The following BTD variants were observed in gnomAD, a reference collection of about 807,000 sequenced individuals.
BTD encodes biotinidase, also known as biocytinase.
Under a neutral mutation model 17.7 loss-of-function variants are expected in BTD, and 13 were observed. That is an observed-to-expected ratio of 0.74 (90% CI 0.48 to 1.17). BTD has a LOEUF of 1.17. Among genes scored for constraint, BTD ranks in the 50% most tolerant of loss-of-function variants. The pLI is 0.00. For missense variants in BTD, 674 were observed against 650.4 expected (o/e 1.04, Z -0.39); for synonymous variants, 240 against 245.2 (o/e 0.98, Z 0.20).
At chr3:15,686,207 T>C in intron 3 of BTD, 1 of 1,589,682 alleles carries the variant, frequency 6.3e-7, no homozygotes. Flanking sequence ...GCAACAATTA[T>C]TTATCGAAAC....
rs2065706289 is a variant in BTD, at chr3:15,646,866, C to G, written c.*1378C>G. On this transcript the variant is annotated 3_prime_UTR_variant, in exon 4 of 4. Coordinates refer to ENST00000643237, the MANE Select transcript of BTD (RefSeq NM_001370658.1). ...ATCCTTTTCTGGCTTTTAGGCAGGA[C>G]AATTAACAATGTGGATTCTGCAGTC... The G allele has an allele frequency of 6.6e-6, 1 of 152,206 alleles. No individual in the cohort carries two copies. Among genetic ancestry groups the G allele is most frequent in the Admixed American group, 6.5e-5 (1 of 15,278 alleles). The allele number at this position is 152,206 out of a possible 1,614,324, so 9.4% of individuals were successfully genotyped here.
chr3:15,638,454 A>T (rs1051562483), intron 2 of BTD, among the ~76,000 whole-genome samples: 24 of 152,180 alleles, frequency 1.6e-4, no homozygotes, highest in African/African-American at 2.4e-5. Context: ...TGTCTTCCAC[A>T]AGCACTTTCT....
chr3:15,689,281 C>A (rs564284045), intron 3 of BTD, among the ~76,000 whole-genome samples: 1 of 152,146 alleles, frequency 6.6e-6, no homozygotes, highest in African/African-American at 2.4e-5. Flanking sequence ...ACAACACAGG[C>A]GCCTCTCTGA....
chr3:15,712,527 A>G (rs1051651218), exon 4 of BTD, among the ~76,000 whole-genome samples: 3 of 152,208 alleles, frequency 2.0e-5, no homozygotes, highest in Non-Finnish European at 4.4e-5. Context: ...GCTCTACCCA[A>G]TGGATGTCAT....
intron 2 of BTD, among the ~76,000 whole-genome samples, chr3:15,636,561 G>T (rs966422525): frequency 2.0e-5 from 3 of 152,214 alleles, no homozygotes; most frequent in Non-Finnish European, 4.4e-5. Context: ...GCAGCTGCTT[G>T]AGGAAGCCCT....
At position 15,662,603 on chromosome 3, in the gene BTD, A is replaced by T. The variant is rs571131841; in HGVS notation, c.399+20546A>T. Among the ~76,000 whole-genome samples, 11 of 152,176 alleles carry T rather than the reference A, an allele frequency of 7.2e-5. No homozygotes were observed. In the South Asian group the frequency reaches 2.3e-3, roughly 32 times the overall value. ...ACTTTTTATTTCCTTTTCTTGTCTT[A>T]TATTGCATTAGCTAAAACTTTCAGT... On this transcript the variant is annotated intron_variant, in intron 3 of 3. Transcript: ENST00000672141.
downstream of BTD, among the ~76,000 whole-genome samples, chr3:15,715,698 T>C (rs576044215): frequency 2.9e-4 from 44 of 152,318 alleles, no homozygotes; most frequent in African/African-American, 1.1e-3. Context: ...GCCTAACTTC[T>C]TTGTGCCTTC....
intron 1 of BTD, among the ~76,000 whole-genome samples, chr3:15,621,215 A>G (rs1051905066): frequency 1.3e-5 from 2 of 152,234 alleles, no homozygotes; most frequent in Admixed American, 1.3e-4. Flanking sequence ...TCACAAGCAC[A>G]TCCAAAAGTA....
At chr3:15,670,548 G>C in intron 3 of BTD, 1 of 1,613,440 alleles carries the variant, frequency 6.2e-7, no homozygotes, top group Non-Finnish European at 8.5e-7. Context: ...GCCAAAGCTG[G>C]GGTATAGCCT....
At chr3:15,721,211 C>CT in intron 4 of BTD, 3 of 1,111,094 alleles carry the variant, frequency 2.7e-6, no homozygotes, top group South Asian at 1.5e-5. Context: ...CCTGTGGTTG[C>CT]AATCAAATTA....
chr3:15,680,698 C>T (rs948721809), intron 3 of BTD, among the ~76,000 whole-genome samples: 1 of 152,020 alleles, frequency 6.6e-6, no homozygotes, highest in Non-Finnish European at 1.5e-5. Flanking sequence ...CAGGGTCTTG[C>T]TCTGTTGCCC....
chr3:15,639,043 G>C (rs1387991741), intron 2 of BTD, among the ~76,000 whole-genome samples: 1 of 152,142 alleles, frequency 6.6e-6, no homozygotes, highest in Non-Finnish European at 1.5e-5. Flanking sequence ...GTTTCAAGAT[G>C]ATTAGGCTGG....
intron 3 of BTD, among the ~76,000 whole-genome samples, chr3:15,681,663 G>T (rs2067560047): frequency 6.6e-6 from 1 of 151,804 alleles, no homozygotes; most frequent in African/African-American, 2.4e-5. Flanking sequence ...CCCTATAATT[G>T]TGGAAAAGTA....
Position 15,644,686 on chromosome 3 carries a change from C to T in BTD, c.770C>T (p.Pro257Leu), listed in dbSNP as rs398123141. Residue 257 changes from proline to leucine, a missense_variant, in exon 4 of 4, where the codon CCA becomes CTA. Physicochemically the swap from Pro to Leu is moderately conservative, Grantham distance 98. Coordinates refer to ENST00000643237, the MANE Select transcript of BTD (RefSeq NM_001370658.1). ...CCAACTGCCTGGATGAACCAGCTCC[C>T]ACTCTTGGCAGCAATTGAGATTCAG... ...VYPTAWMNQL[P>L]LLAAIEIQKA... is the part of the protein sequence containing the mutation. 6.2e-7 allele frequency: 1 copy of T among 1,614,208 alleles called. No homozygotes were observed. Among genetic ancestry groups the T allele is most frequent in the Non-Finnish European group, 8.5e-7 (1 of 1,180,040 alleles).
At chr3:15,693,293 CA>C (rs2125857479) in intron 3 of BTD, among the ~76,000 whole-genome samples, 1 of 151,752 alleles carries the variant, frequency 6.6e-6, no homozygotes, top group Admixed American at 6.6e-5. Flanking sequence ...TATACACATA[CA>C]AAATCTCTGA....
exon 4 of BTD, chr3:15,712,132 A>G: frequency 6.4e-7 from 1 of 1,564,010 alleles, no homozygotes; most frequent in Non-Finnish European, 8.7e-7. Flanking sequence ...TGCAAAGGTT[A>G]CACTTACCTG....
At chr3:15,678,202 T>A (rs375812506) in intron 3 of BTD, 23 of 1,604,014 alleles carry the variant, frequency 1.4e-5, no homozygotes, top group Middle Eastern at 1.7e-4. Flanking sequence ...TAAAGAAGTT[T>A]CTTTACCAAC....
intron 3 of BTD, chr3:15,686,135 A>C (rs2068095138): frequency 6.2e-7 from 1 of 1,609,438 alleles, no homozygotes. Context: ...CAACAACAGG[A>C]ATAGGTTCAG....
chr3:15,685,404 T>C (rs548976081), intron 3 of BTD: 6 of 1,613,780 alleles, frequency 3.7e-6, no homozygotes, highest in Non-Finnish European at 2.5e-6. Context: ...TAGCACCATG[T>C]TGAAGTAATG....
Sources: allele counts gnomAD v4.1 joint callset (sites outside exome capture counted in the v4.1 genomes callset), GRCh38; gene constraint gnomAD v4.1.1; transcripts MANE v1.5; gene names NCBI Gene and HGNC (gene_info 2026-07-23, HGNC 2026-07-21).